The following EXOC6B variants were observed in gnomAD, a reference collection of about 807,000 sequenced individuals.
The protein encoded by EXOC6B is SEC15 homolog B.
A neutral mutation model predicts 113.5 loss-of-function variants in EXOC6B; 54 were observed. The ratio of observed to expected loss-of-function variants is 0.48; its 90% CI spans 0.38 to 0.60. The LOEUF is 0.60. Ranked by LOEUF, EXOC6B falls within the 20% of genes least tolerant of loss-of-function variation. EXOC6B has a pLI of 0.00. For missense variants in EXOC6B, 797 were observed against 977.5 expected (o/e 0.82, Z 2.46); for synonymous variants, 357 against 339.0 (o/e 1.05, Z -0.58).
At chr2:72,740,977 G>C (rs1468964911) in intron 2 of EXOC6B, among the ~76,000 whole-genome samples, 3 of 151,058 alleles carry the variant, frequency 2.0e-5, no homozygotes, top group Non-Finnish European at 4.4e-5. Flanking sequence ...GGTGGTGGGC[G>C]CCTGTAGTCC....
intron 6 of EXOC6B, among the ~76,000 whole-genome samples, chr2:72,651,760 T>C (rs1436805253): frequency 1.3e-5 from 2 of 152,130 alleles, no homozygotes; most frequent in African/African-American, 4.8e-5. Flanking sequence ...CACGCCTGGC[T>C]AATTTTTTGT....
chr2:72,410,840 A>T (rs1694131680), intron 18 of EXOC6B, among the ~76,000 whole-genome samples: 1 of 152,264 alleles, frequency 6.6e-6, no homozygotes, highest in Admixed American at 6.5e-5. Context: ...AGAAAAAAAA[A>T]TAACCATTGG....
intron 18 of EXOC6B, among the ~76,000 whole-genome samples, chr2:72,419,031 T>C (rs1303459196): frequency 6.6e-6 from 1 of 152,202 alleles, no homozygotes; most frequent in East Asian, 1.9e-4. Context: ...CATCCTAAAG[T>C]TATCACACTC....
intron 1 of EXOC6B, among the ~76,000 whole-genome samples, chr2:72,764,364 C>CTTTTTTTTTTTT (rs397869115): frequency 6.7e-4 from 45 of 66,764 alleles, no homozygotes; most frequent in African/African-American, 9.4e-4. Flanking sequence ...TATTTTCTCT[C>CTTTTTTTTTTTT]TTTTTTTTTT....
At chr2:72,600,268 C>T (rs1004821257) in intron 6 of EXOC6B, among the ~76,000 whole-genome samples, 2 of 151,942 alleles carry the variant, frequency 1.3e-5, no homozygotes, top group Non-Finnish European at 2.9e-5. Context: ...TAGTGAGACC[C>T]TGTCTCTACA....
intron 20 of EXOC6B, among the ~76,000 whole-genome samples, chr2:72,283,409 CAGAT>C (rs1186450451): frequency 6.6e-5 from 10 of 152,084 alleles, no homozygotes; most frequent in Non-Finnish European, 1.5e-5. Flanking sequence ...ATTGGAAGGA[CAGAT>C]AGATAAAGAG....
intron 20 of EXOC6B, among the ~76,000 whole-genome samples, chr2:72,293,753 T>C (rs1685953857): frequency 6.6e-6 from 1 of 152,140 alleles, no homozygotes; most frequent in Non-Finnish European, 1.5e-5. Flanking sequence ...GAGCATTAAT[T>C]TTCTTTTCTG....
intron 17 of EXOC6B, among the ~76,000 whole-genome samples, chr2:72,474,661 G>A (rs1698626060): frequency 6.6e-6 from 1 of 151,764 alleles, no homozygotes; most frequent in African/African-American, 2.4e-5. Context: ...ATCATGCATT[G>A]TTTTTCTGAT....
chr2:72,266,188 C>A (rs1279966990), intron 20 of EXOC6B, among the ~76,000 whole-genome samples: 3 of 151,518 alleles, frequency 2.0e-5, no homozygotes, highest in Non-Finnish European at 4.4e-5. Flanking sequence ...CGAAAATTTT[C>A]TCCCATTTTG....
intron 1 of EXOC6B, among the ~76,000 whole-genome samples, chr2:72,776,825 T>C (rs577899834): frequency 1.3e-5 from 2 of 152,278 alleles, no homozygotes; most frequent in East Asian, 1.9e-4. Flanking sequence ...GAAGACATAA[T>C]GACCAAAAAT....
intron 8 of EXOC6B, among the ~76,000 whole-genome samples, chr2:72,522,013 A>G (rs1273293795): frequency 6.6e-6 from 1 of 152,120 alleles, no homozygotes. Flanking sequence ...AGTTTTTTAT[A>G]TTGAATCCAT....
intron 20 of EXOC6B, among the ~76,000 whole-genome samples, chr2:72,212,537 A>AT (rs1680258654): frequency 6.6e-6 from 1 of 152,218 alleles, no homozygotes; most frequent in Non-Finnish European, 1.5e-5. Context: ...CCCTGAGTGC[A>AT]TAATAAAACG....
At chr2:72,458,834 G>C (rs1487949373) in intron 18 of EXOC6B, among the ~76,000 whole-genome samples, 1 of 152,068 alleles carries the variant, frequency 6.6e-6, no homozygotes, top group East Asian at 1.9e-4. Context: ...GGAGTACAAA[G>C]TGTGGTGCTG....
chr2:72,456,324 A>G lies in EXOC6B; in HGVS notation c.1980+8836T>C, dbSNP rs199857491. ...TAGCTTTTGACTTCTCTTTTCTATA[A>G]TTAAATGGTTACTTTTAATGACATA... On this transcript the variant is annotated intron_variant, in intron 18 of 21. Transcript: ENST00000272427. Among the ~76,000 whole-genome samples the G allele has an allele frequency of 9.5e-4, 144 of 152,278 alleles. 1 individual carries two copies. The highest frequency in any genetic ancestry group is 2.9e-3 in the East Asian group (15 of 5,186).
At chr2:72,614,032 G>A (rs114646777) in intron 6 of EXOC6B, among the ~76,000 whole-genome samples, 2,344 of 152,178 alleles carry the variant, frequency 0.015, 81 homozygotes, top group African/African-American at 0.054. Context: ...AACCACAAAA[G>A]CACAGTTGGA....
chr2:72,615,126 A>G (rs1433259455), intron 6 of EXOC6B, among the ~76,000 whole-genome samples: 1 of 152,152 alleles, frequency 6.6e-6, no homozygotes, highest in Non-Finnish European at 1.5e-5. Context: ...GCTCATATCT[A>G]AGACTTCATA....
At chr2:72,782,985 GA>G (rs1048934590) in intron 1 of EXOC6B, among the ~76,000 whole-genome samples, 13 of 152,326 alleles carry the variant, frequency 8.5e-5, no homozygotes, top group South Asian at 8.3e-4. Flanking sequence ...AAACAGCATG[GA>G]AGTGCAGTTA....
chr2:72,191,507 GT>G (rs1215977844), intron 20 of EXOC6B, among the ~76,000 whole-genome samples: 1 of 152,180 alleles, frequency 6.6e-6, no homozygotes, highest in Non-Finnish European at 1.5e-5. Flanking sequence ...TGTTGTTGTT[GT>G]TGTTTTGTTT....
intron 6 of EXOC6B, among the ~76,000 whole-genome samples, chr2:72,622,311 A>C (rs1045556164): frequency 6.6e-6 from 1 of 152,022 alleles, no homozygotes; most frequent in African/African-American, 2.4e-5. Context: ...CAAATGTTTT[A>C]AAAGCTACTC....
Sources: gnomAD v4.1 joint callset for allele counts (sites outside exome capture counted in the v4.1 genomes callset) on GRCh38, gnomAD v4.1.1 for gene constraint, MANE v1.5 for transcripts, NCBI Gene and HGNC (gene_info 2026-07-23, HGNC 2026-07-21) for gene names.